Variants in ST6GALNAC3 observed in about 807,000 individuals in gnomAD.
ST6GALNAC3 encodes the protein ST6 N-acetylgalactosaminide alpha-2,6-sialyltransferase 3, also known as alpha-N-acetylgalactosaminide alpha-2,6-sialyltransferase 3.
ST6GALNAC3 carries 25 observed loss-of-function variants against 32.7 expected under a neutral mutation model. That is an observed-to-expected ratio of 0.76 (90% CI 0.56 to 1.07). The LOEUF (loss-of-function observed/expected upper bound fraction) is 1.07, where lower values mean the gene tolerates loss of function less well. Among genes scored for constraint, ST6GALNAC3 ranks in the 50% least tolerant of loss-of-function variants. The pLI, the probability that ST6GALNAC3 is intolerant of heterozygous loss-of-function variation, is 0.00. For synonymous variants in ST6GALNAC3, 129 were observed against 133.1 expected, an observed-to-expected ratio of 0.97 and a Z score of 0.21; for missense variants, 355 against 382.4, an observed-to-expected ratio of 0.93 and a Z score of 0.60.
At chr1:76,481,534 G>C (rs1659723923) in intron 3 of ST6GALNAC3, among the ~76,000 whole-genome samples, 1 of 152,140 alleles carries the variant, frequency 6.6e-6, no homozygotes, top group Non-Finnish European at 1.5e-5. Flanking sequence ...CTTTGGTTCA[G>C]CTCCACATTC....
intron 1 of ST6GALNAC3, among the ~76,000 whole-genome samples, chr1:76,311,288 A>C (rs181656530): frequency 6.7e-5 from 1 of 14,884 alleles, no homozygotes; most frequent in East Asian, 1.1e-3. Flanking sequence ...TTTCTTTTTT[A>C]AAAAAATTAT....
intron 1 of ST6GALNAC3, among the ~76,000 whole-genome samples, chr1:76,127,975 G>A (rs528177665): frequency 2.0e-5 from 3 of 152,192 alleles, no homozygotes; most frequent in Admixed American, 1.3e-4. Context: ...TCTGCTTGAT[G>A]TTCCTATGTA....
intron 1 of ST6GALNAC3, among the ~76,000 whole-genome samples, chr1:76,155,995 G>C (rs1341750703): frequency 6.6e-6 from 1 of 152,120 alleles, no homozygotes; most frequent in Non-Finnish European, 1.5e-5. Flanking sequence ...TTAAGATCCT[G>C]CTGGCGGTAG....
intron 3 of ST6GALNAC3, among the ~76,000 whole-genome samples, chr1:76,584,598 G>A (rs1646934519): frequency 6.6e-6 from 1 of 152,148 alleles, no homozygotes; most frequent in Non-Finnish European, 1.5e-5. Flanking sequence ...TATCTTAAAT[G>A]CTAGCAGCAG....
intron 1 of ST6GALNAC3, among the ~76,000 whole-genome samples, chr1:76,239,965 C>G (rs912406853): frequency 6.6e-6 from 1 of 152,160 alleles, no homozygotes; most frequent in African/African-American, 2.4e-5. Context: ...ATGCTTTAGC[C>G]TCTTTTGCAT....
rs547225046 is a variant in ST6GALNAC3 at position 76,227,365 on chromosome 1, T to C, written c.19-86440T>C. Among the ~76,000 whole-genome samples, 3 of 152,300 alleles carry C rather than the reference T, an allele frequency of 2.0e-5. No homozygotes were observed. In the East Asian group the frequency reaches 5.8e-4, roughly 29 times the overall value. On this transcript the variant is annotated intron_variant, in intron 1 of 4. Transcript: ENST00000328299. The stretch of plus-strand genomic sequence containing the variant: ...TCCTGGGAACTTCAGGGTCAATCTT[T>C]CTTGTGGAATTGAGCACATTGTTTT...
chr1:76,075,997 G>A (rs192405770), intron 1 of ST6GALNAC3, among the ~76,000 whole-genome samples: 28 of 152,312 alleles, frequency 1.8e-4, no homozygotes, highest in African/African-American at 6.7e-4. Flanking sequence ...GAAAATAAGA[G>A]ACTAACCTCG....
chr1:76,498,031 C>T (rs928311034), intron 3 of ST6GALNAC3, among the ~76,000 whole-genome samples: 2 of 152,208 alleles, frequency 1.3e-5, no homozygotes, highest in Non-Finnish European at 1.5e-5. Context: ...TATGGCTGAG[C>T]TCTCTCTTAT....
intron 1 of ST6GALNAC3, among the ~76,000 whole-genome samples, chr1:76,277,603 TATATATATACACACAC>T (rs1328423981): frequency 0.023 from 1,353 of 59,762 alleles, 33 homozygotes; most frequent in African/African-American, 0.14. Context: ...TATATATATA[TATATATATACACACAC>T]ACACACACAC....
chr1:76,398,296 A>T (rs779420408), intron 2 of ST6GALNAC3, among the ~76,000 whole-genome samples: 8 of 152,196 alleles, frequency 5.3e-5, no homozygotes, highest in Non-Finnish European at 8.8e-5. Flanking sequence ...TGGAGAAAGT[A>T]TGTGACTTTT....
intron 2 of ST6GALNAC3, among the ~76,000 whole-genome samples, chr1:76,395,371 A>G (rs868663786): frequency 2.0e-5 from 3 of 152,298 alleles, no homozygotes; most frequent in Middle Eastern, 3.4e-3. Flanking sequence ...GTCATTATGG[A>G]AAGAGTATGG....
In ST6GALNAC3 at chr1:76,380,245, G is replaced by A. The variant is rs565450074; in HGVS notation, c.214-31763G>A. ...CTTAACCTCATCACTCATCAGGGTA[G>A]TGCAAATTAAAACCACAATGAGATA... On this transcript the variant is annotated intron_variant, in intron 2 of 4. Coordinates refer to ENST00000328299, the MANE Select transcript of ST6GALNAC3 (RefSeq NM_152996.4). Among the ~76,000 whole-genome samples the A allele has an allele frequency of 2.6e-5, 4 of 152,246 alleles. No individual in the cohort carries two copies. In the South Asian group the frequency reaches 8.3e-4, roughly 32 times the overall value.
At chr1:76,175,608 C>G (rs1214075648) in intron 1 of ST6GALNAC3, among the ~76,000 whole-genome samples, 1 of 151,306 alleles carries the variant, frequency 6.6e-6, no homozygotes, top group Non-Finnish European at 1.5e-5. Context: ...GGATGTCATA[C>G]TTTTTAGAAG....
intron 1 of ST6GALNAC3, among the ~76,000 whole-genome samples, chr1:76,277,611 TACACAC>T (rs200054620): frequency 2.0e-5 from 1 of 51,164 alleles, no homozygotes; most frequent in African/African-American, 1.4e-4. Context: ...TATATATATA[TACACAC>T]ACACACACAC....
intron 1 of ST6GALNAC3, among the ~76,000 whole-genome samples, chr1:76,108,427 G>A (rs1353953321): frequency 6.6e-6 from 1 of 152,148 alleles, no homozygotes; most frequent in Non-Finnish European, 1.5e-5. Flanking sequence ...AGGACCCCTA[G>A]CTTGGTGCAC....
At chr1:76,091,019 C>A (rs1571125861) in intron 1 of ST6GALNAC3, among the ~76,000 whole-genome samples, 1 of 152,116 alleles carries the variant, frequency 6.6e-6, no homozygotes, top group East Asian at 1.9e-4. Flanking sequence ...ATTGCGCAGG[C>A]CGAATGTTTA....
At chr1:76,445,829 C>T (rs1656929983) in intron 3 of ST6GALNAC3, among the ~76,000 whole-genome samples, 1 of 152,174 alleles carries the variant, frequency 6.6e-6, no homozygotes, top group African/African-American at 2.4e-5. Flanking sequence ...CACCCCTCGT[C>T]ATGTCTTATT....
intron 1 of ST6GALNAC3, among the ~76,000 whole-genome samples, chr1:76,218,389 A>G (rs1655589521): frequency 6.6e-6 from 1 of 152,142 alleles, no homozygotes; most frequent in Non-Finnish European, 1.5e-5. Context: ...TGCTCTAATC[A>G]AGATCTCCTT....
intron 2 of ST6GALNAC3, among the ~76,000 whole-genome samples, chr1:76,355,603 A>G (rs990550508): frequency 6.6e-6 from 1 of 152,248 alleles, no homozygotes; most frequent in African/African-American, 2.4e-5. Flanking sequence ...TCAGAAAAAA[A>G]TAACTTCCAC....
Sources: allele counts gnomAD v4.1 joint callset (sites outside exome capture counted in the v4.1 genomes callset), GRCh38; gene constraint gnomAD v4.1.1; transcripts MANE v1.5; gene names NCBI Gene and HGNC (gene_info 2026-07-23, HGNC 2026-07-21).